The following SLC34A2 variants were observed in gnomAD, a reference collection of about 807,000 sequenced individuals.
The protein encoded by SLC34A2 is sodium-dependent phosphate transport protein 2B.
SLC34A2 carries 41 observed loss-of-function variants against 50.8 expected under a neutral mutation model. The ratio of observed to expected loss-of-function variants is 0.81; its 90% CI spans 0.63 to 1.05. SLC34A2 has a LOEUF of 1.05. Ranked by LOEUF, SLC34A2 falls within the 50% of genes least tolerant of loss-of-function variation. The pLI, the probability that SLC34A2 is intolerant of heterozygous loss-of-function variation, is 0.00. For synonymous variants in SLC34A2, 401 were observed against 364.2 expected (o/e 1.10, Z -1.15); for missense variants, 879 against 876.7 (o/e 1.00, Z -0.03).
chr4:25,674,885 T>C (rs894128100), intron 12 of SLC34A2, among the ~76,000 whole-genome samples: 2 of 152,150 alleles, frequency 1.3e-5, no homozygotes, highest in Non-Finnish European at 2.9e-5. Flanking sequence ...TTGATATAGA[T>C]GTGGAAAAGG....
chr4:25,660,156 C>T (rs1315239864), intron 1 of SLC34A2, among the ~76,000 whole-genome samples: 2 of 152,172 alleles, frequency 1.3e-5, no homozygotes, highest in Non-Finnish European at 2.9e-5. Flanking sequence ...TAAATATGCC[C>T]GGCAGGGCTC....
rs369569821 is a variant in SLC34A2, at chr4:25,669,854, C to T, written c.831+12C>T. 35 of 1,611,602 alleles carry T rather than the reference C, an allele frequency of 2.2e-5. No individual in the cohort carries two copies. The African/African-American group carries it at 4.3e-4, about 20-fold the overall frequency. ...AGCTCATTGTCCAGGTAACTTAGCT[C>T]CTTCAGAGAGAGAAGGAGACTAACT... On this transcript the variant is annotated intron_variant, in intron 7 of 12. Coordinates refer to ENST00000382051, the MANE Select transcript of SLC34A2 (RefSeq NM_006424.3).
chr4:25,672,619 C>T (rs746948655), intron 9 of SLC34A2, among the ~76,000 whole-genome samples: 3 of 152,098 alleles, frequency 2.0e-5, no homozygotes, highest in Non-Finnish European at 2.9e-5. Flanking sequence ...GTTAACTTAC[C>T]ACCTCCCACA....
At position 25,668,890 on chromosome 4, in the gene SLC34A2, GT is replaced by G. The variant is rs545397296; in HGVS notation, c.636-743del. Among the ~76,000 whole-genome samples, 926 of 135,856 alleles carry G rather than the reference GT, an allele frequency of 6.8e-3. 6 individuals carry two copies. The highest frequency in any genetic ancestry group is 0.027 in the East Asian group (124 of 4,672). 89.1% of individuals were successfully genotyped at this position (135,856 alleles called of 152,430 possible). On this transcript the variant is annotated intron_variant, in intron 6 of 12. Transcript: ENST00000382051. ...AGTGTTTCTTAGCCTCTTCTAGCTA[GT>G]TTTTTTTTTTTTTCAGTTTTTTTTT...
At position 25,676,626 on chromosome 4, in the gene SLC34A2, GGC is replaced by G; in HGVS notation, c.1953_1954del (p.Gln652GlyfsTer11). ...CSKCCEDLEE[A>X]QEGQDVPVKA... is the part of the protein sequence containing the mutation. ...GCAAGTGCTGCGAGGACTTGGAGGA[GGC>G]GCAGGAGGGGCAGGATGTCCCTGTC... On this transcript the variant is annotated frameshift_variant, in exon 13 of 13. Transcript: ENST00000382051. LOFTEE classifies it low-confidence loss of function (END_TRUNC). 6.2e-7 allele frequency: 1 copy of G among 1,614,028 alleles called. No individual in the cohort carries two copies. Among genetic ancestry groups the G allele is most frequent in the South Asian group, 1.1e-5 (1 of 91,080 alleles).
chr4:25,670,784 C>T lies in SLC34A2; in HGVS notation c.878C>T (p.Ala293Val), dbSNP rs372023023. Residue 293 changes from alanine (A) to valine (V), a missense_variant, in exon 8 of 13, where the codon GCG (alanine) becomes GTG (valine). By Grantham distance (64) the Ala-to-Val change is moderately conservative. Coordinates refer to ENST00000382051, the MANE Select transcript of SLC34A2 (RefSeq NM_006424.3). ...ISQIAMNDEK[A>V]KNKSLVKIWC... The stretch of plus-strand genomic sequence containing the variant: ...CAAATTGCAATGAACGATGAAAAAG[C>T]GAAAAACAAGAGTCTTGTCAAGATT... The T allele has an allele frequency of 1.2e-5, 20 of 1,613,916 alleles. 1 individual carries two copies. Among genetic ancestry groups the T allele is most frequent in the East Asian group, 4.5e-5 (2 of 44,888 alleles).
chr4:25,674,195 G>T (rs775724062), intron 10 of SLC34A2, 101 bp from the exon 11 acceptor site: 10 of 789,770 alleles, frequency 1.3e-5, no homozygotes, highest in Non-Finnish European at 1.8e-5. Flanking sequence ...ACCATATATG[G>T]GATGATGTAC....
chr4:25,659,402 A>C (rs1211586545), intron 1 of SLC34A2, among the ~76,000 whole-genome samples: 1 of 152,160 alleles, frequency 6.6e-6, no homozygotes, highest in Non-Finnish European at 1.5e-5. Flanking sequence ...ATCCACTACC[A>C]TGCTGAGCAT....
intron 10 of SLC34A2, among the ~76,000 whole-genome samples, chr4:25,673,566 C>T (rs760476456): frequency 4.6e-5 from 7 of 152,110 alleles, no homozygotes; most frequent in Non-Finnish European, 7.3e-5. Flanking sequence ...TCTGTCAAGA[C>T]CCCTTAGAAA....
chr4:25,676,617 C>A lies in SLC34A2; in HGVS notation c.1941C>A (p.Asp647Glu). 3 of 1,614,006 alleles carry A rather than the reference C, an allele frequency of 1.9e-6. No homozygotes were observed. Among genetic ancestry groups the A allele is most frequent in the Non-Finnish European group, 2.5e-6 (3 of 1,179,880 alleles). ...KCCRCSKCCEDLEEAQEGQDV... is the reference protein window; with the variant it reads ...KCCRCSKCCEELEEAQEGQDV... ...GCCGCTGCAGCAAGTGCTGCGAGGA[C>A]TTGGAGGAGGCGCAGGAGGGGCAGG... The change falls in exon 13 of 13, where the codon GAC (aspartate) becomes GAA (glutamate). Residue 647 changes from aspartate to glutamate, a missense_variant. Transcript: ENST00000382051.
Position 25,669,858 on chromosome 4 carries a change from C to CAG in SLC34A2, c.831+24_831+25dup. On this transcript the variant is annotated intron_variant, in intron 7 of 12. Coordinates refer to ENST00000382051, the MANE Select transcript of SLC34A2 (RefSeq NM_006424.3). The stretch of plus-strand genomic sequence containing the variant: ...CATTGTCCAGGTAACTTAGCTCCTT[C>CAG]AGAGAGAGAAGGAGACTAACTTCCT... 1 of 1,609,692 alleles carries CAG rather than the reference C, an allele frequency of 6.2e-7. No individual in the cohort carries two copies. The highest frequency in any genetic ancestry group is 8.5e-7 in the Non-Finnish European group (1 of 1,175,982).
At chr4:25,663,561 G>A (rs941482024) in intron 3 of SLC34A2, among the ~76,000 whole-genome samples, 11 of 152,132 alleles carry the variant, frequency 7.2e-5, no homozygotes, top group African/African-American at 2.7e-4. Flanking sequence ...ATTTCCAAAT[G>A]TATGTAGGGC....
At chr4:25,667,316 A>G (rs2109053859) in intron 5 of SLC34A2, among the ~76,000 whole-genome samples, 1 of 152,302 alleles carries the variant, frequency 6.6e-6, no homozygotes, top group Non-Finnish European at 1.5e-5. Context: ...ATCTGAGACC[A>G]GCCTGACCAA....
chr4:25,672,154 G>C (rs1401859568), intron 9 of SLC34A2, among the ~76,000 whole-genome samples: 2 of 152,164 alleles, frequency 1.3e-5, no homozygotes, highest in Non-Finnish European at 2.9e-5. Context: ...GGCCAACATG[G>C]TGAAACCCTG....
Position 25,666,127 on chromosome 4 carries a change from G to A in SLC34A2, c.380-1G>A. On this transcript the variant is annotated splice_acceptor_variant, in intron 4 of 12. Transcript: ENST00000382051. LOFTEE classifies it high-confidence loss of function. ...TTTGTTTGTTTGTTTGTTTTTCCCA[G>A]GAAAAATGGCAGGACAGTTCTTCAG... 1.2e-6 allele frequency: 2 copies of A among 1,613,348 alleles called. No homozygotes were observed. Among genetic ancestry groups the A allele is most frequent in the Non-Finnish European group, 1.7e-6 (2 of 1,180,020 alleles).
Position 25,671,582 on chromosome 4 carries a change from T to A in SLC34A2, c.928-19T>A. On this transcript the variant is annotated intron_variant, in intron 8 of 12. Transcript: ENST00000382051. ...ACTAAAAGCCAGTGTTGTGGGCATT[T>A]GTCATGTTTGTCATCCAGACCCAGA... 1 of 1,614,146 alleles carries A rather than the reference T, an allele frequency of 6.2e-7. No homozygotes were observed. The highest frequency in any genetic ancestry group is 8.5e-7 in the Non-Finnish European group (1 of 1,180,006).
chr4:25,657,627 T>C (rs1713953600), intron 1 of SLC34A2, among the ~76,000 whole-genome samples: 1 of 152,248 alleles, frequency 6.6e-6, no homozygotes, highest in African/African-American at 2.4e-5. Flanking sequence ...TTTGGTGATA[T>C]GGCCCAAGTT....
chr4:25,673,142 G>A lies in SLC34A2; in HGVS notation c.1104G>A (p.Leu368=). 6.2e-7 allele frequency: 1 copy of A among 1,614,092 alleles called. No homozygotes were observed. Among genetic ancestry groups the A allele is most frequent in the East Asian group, 2.2e-5 (1 of 44,878 alleles). Residue 368 remains leucine, a synonymous_variant, in exon 10 of 13, where the codon TTG becomes TTA. Transcript: ENST00000382051. The part of the protein sequence containing the change: ...HLPDLAVGTI[L]LILSLLVLCG... ...CGGATCTTGCTGTGGGCACCATCTT[G>A]CTCATACTCTCCCTGCTGGTCCTCT...
At chr4:25,656,977 T>A (rs1314418257) in intron 1 of SLC34A2, among the ~76,000 whole-genome samples, 1 of 152,206 alleles carries the variant, frequency 6.6e-6, no homozygotes, top group Admixed American at 6.5e-5. Flanking sequence ...GAGTGGCCGT[T>A]GTTTCAGATT....
Sources: gnomAD v4.1 joint callset for allele counts (sites outside exome capture counted in the v4.1 genomes callset) on GRCh38, gnomAD v4.1.1 for gene constraint, MANE v1.5 for transcripts, NCBI Gene and HGNC (gene_info 2026-07-23, HGNC 2026-07-21) for gene names.